Variants in HERC4 observed in about 807,000 individuals in gnomAD.
The protein encoded by HERC4 is HECT and RLD domain containing E3 ubiquitin protein ligase 4.
Under a neutral mutation model 124.3 loss-of-function variants are expected in HERC4, and 28 were observed. The observed-to-expected ratio is 0.23, with a 90% confidence interval of 0.17 to 0.31. The LOEUF is 0.31. Among genes scored for constraint, HERC4 ranks in the 10% least tolerant of loss-of-function variants. HERC4 has a pLI of 1.00. For missense variants in HERC4, 713 were observed against 1,229.3 expected (o/e 0.58, Z 6.28); for synonymous variants, 407 against 421.5 (o/e 0.97, Z 0.42).
chr10:68,064,468 C>T (rs2041195759), intron 3 of HERC4, among the ~76,000 whole-genome samples: 1 of 147,440 alleles, frequency 6.8e-6, no homozygotes, highest in Non-Finnish European at 1.5e-5. Flanking sequence ...GCAGGAGAAT[C>T]ATCTGAACCT....
At chr10:67,950,601 C>T (rs1156590672) in intron 19 of HERC4, among the ~76,000 whole-genome samples, 3 of 152,058 alleles carry the variant, frequency 2.0e-5, no homozygotes, top group Non-Finnish European at 4.4e-5. Context: ...AAGTAAATAT[C>T]TTAAAGATTA....
chr10:67,974,446 A>G (rs2132548354), intron 15 of HERC4, among the ~76,000 whole-genome samples: 1 of 152,376 alleles, frequency 6.6e-6, no homozygotes, highest in East Asian at 1.9e-4. Context: ...GAATAATCAC[A>G]TATACACTAA....
At chr10:68,072,771 G>C in intron 3 of HERC4, 112 bp downstream of exon 3, 1 of 670,588 alleles carries the variant, frequency 1.5e-6, no homozygotes, top group South Asian at 2.5e-5. Context: ...CTTCTACTTT[G>C]CTTTTAAAGC....
chr10:68,059,876 A>AT (rs1169094270), intron 3 of HERC4, among the ~76,000 whole-genome samples: 1 of 80,152 alleles, frequency 1.2e-5, no homozygotes, highest in African/African-American at 8.9e-5. Context: ...ATATTATAAT[A>AT]ATATTATATA....
intron 2 of HERC4, among the ~76,000 whole-genome samples, chr10:68,073,408 G>C (rs570018190): frequency 6.6e-6 from 1 of 152,024 alleles, no homozygotes; most frequent in Non-Finnish European, 1.5e-5. Context: ...ATGATCCTTT[G>C]CAAAATTTAA....
intron 3 of HERC4, among the ~76,000 whole-genome samples, chr10:68,064,820 A>T (rs2041220608): frequency 6.6e-6 from 1 of 151,846 alleles, no homozygotes; most frequent in South Asian, 2.1e-4. Context: ...AAAATACAAA[A>T]AATTAGCTGG....
At chr10:67,927,910 A>C (rs192781936) in intron 23 of HERC4, among the ~76,000 whole-genome samples, 2 of 152,206 alleles carry the variant, frequency 1.3e-5, no homozygotes, top group African/African-American at 4.8e-5. Context: ...GGAGCAACCT[A>C]AGTAAAATTA....
intron 3 of HERC4, among the ~76,000 whole-genome samples, chr10:68,071,128 A>C (rs1185186493): frequency 6.6e-6 from 1 of 151,640 alleles, no homozygotes; most frequent in African/African-American, 2.4e-5. Context: ...GAGGTATCCC[A>C]AATTAGGGAA....
chr10:68,043,477 T>A (rs1323394778), intron 4 of HERC4, among the ~76,000 whole-genome samples: 1 of 152,212 alleles, frequency 6.6e-6, no homozygotes, highest in Non-Finnish European at 1.5e-5. Flanking sequence ...CTGAAATCTG[T>A]ATATTTTTAC....
At chr10:68,012,172 T>A (rs1477256090) in intron 9 of HERC4, among the ~76,000 whole-genome samples, 1 of 152,208 alleles carries the variant, frequency 6.6e-6, no homozygotes, top group African/African-American at 2.4e-5. Context: ...GCTGGTGTGA[T>A]TTTCTATTCG....
intron 9 of HERC4, among the ~76,000 whole-genome samples, chr10:68,000,576 C>CAAA (rs34603437): frequency 1.4e-5 from 2 of 138,186 alleles, no homozygotes; most frequent in Non-Finnish European, 1.5e-5. Context: ...CAGACTGTCT[C>CAAA]AAAAAAAAAA....
chr10:68,010,156 C>A, intron 9 of HERC4: 1 of 928,974 alleles, frequency 1.1e-6, no homozygotes, highest in South Asian at 1.4e-5. Flanking sequence ...TTCTCTTTCC[C>A]TAGCTTCCGC....
chr10:67,943,608 T>C (rs1012383021), intron 19 of HERC4, among the ~76,000 whole-genome samples: 1 of 152,158 alleles, frequency 6.6e-6, no homozygotes, highest in African/African-American at 2.4e-5. Context: ...GTCCTTTGCC[T>C]TTTTGGAGAG....
intron 13 of HERC4, 107 bp from the exon 14 acceptor site, chr10:67,990,507 G>C (rs1382151360): frequency 1.7e-6 from 1 of 598,670 alleles, no homozygotes; most frequent in Admixed American, 3.9e-5. Context: ...GGAAAATTTT[G>C]CACTACAGCA....
At chr10:68,003,411 G>C (rs1013744606) in intron 9 of HERC4, among the ~76,000 whole-genome samples, 42 of 148,524 alleles carry the variant, frequency 2.8e-4, no homozygotes, top group Non-Finnish European at 5.5e-4. Context: ...CTGACCTCAT[G>C]ATCTGCCCGC....
At chr10:68,027,960 T>C (rs1324348027) in intron 7 of HERC4, among the ~76,000 whole-genome samples, 1 of 146,652 alleles carries the variant, frequency 6.8e-6, no homozygotes, top group Non-Finnish European at 1.5e-5. Flanking sequence ...TCACATATTT[T>C]TATTATATAT....
rs1356594063 is a variant in HERC4 at position 67,974,109 on chromosome 10, CACACACACACAT to C, written c.1807-7319_1807-7308del. ...ACACACACACACACACACACACACA[CACACACACACAT>C]ACACACAGGGTCAGGAAAACAAGAC... On this transcript the variant is annotated intron_variant, in intron 15 of 24. Transcript: ENST00000373700. 9.6e-3 allele frequency among the ~76,000 whole-genome samples: 1,373 copies of C among 143,416 alleles called. 56 individuals are homozygous for C. Among genetic ancestry groups the C allele is most frequent in the East Asian group, 0.062 (280 of 4,498 alleles). 94.1% of individuals were successfully genotyped at this position (143,416 alleles called of 152,430 possible).
At chr10:67,968,276 G>C (rs2035013914) in intron 15 of HERC4, among the ~76,000 whole-genome samples, 1 of 151,936 alleles carries the variant, frequency 6.6e-6, no homozygotes, top group African/African-American at 2.4e-5. Flanking sequence ...TCTAAACCAT[G>C]AATGCACAAG....
intron 15 of HERC4, among the ~76,000 whole-genome samples, chr10:67,967,403 TA>T (rs1209843739): frequency 2.6e-5 from 4 of 152,136 alleles, no homozygotes; most frequent in Non-Finnish European, 5.9e-5. Context: ...ACGGTATATA[TA>T]AACTAGATAC....
Sources: gnomAD v4.1 joint callset for allele counts (sites outside exome capture counted in the v4.1 genomes callset) on GRCh38, gnomAD v4.1.1 for gene constraint, MANE v1.5 for transcripts, NCBI Gene and HGNC (gene_info 2026-07-23, HGNC 2026-07-21) for gene names.